The following FLI1 variants were observed in gnomAD, a reference collection of about 807,000 sequenced individuals.
FLI1 encodes Fli-1 proto-oncogene, ETS transcription factor.
A neutral mutation model predicts 53.1 loss-of-function variants in FLI1; 13 were observed. That is an observed-to-expected ratio of 0.24 (90% confidence interval 0.16 to 0.39). The LOEUF is 0.39. Ranked by LOEUF, FLI1 falls within the 10% of genes least tolerant of loss-of-function variation. The pLI is 1.00. For missense variants in FLI1, 424 were observed against 600.5 expected (o/e 0.71, Z 3.07); for synonymous variants, 244 against 236.7 (o/e 1.03, Z -0.28).
chr11:128,802,610 G>T (rs1305611745), intron 5 of FLI1, among the ~76,000 whole-genome samples: 2 of 152,208 alleles, frequency 1.3e-5, no homozygotes, highest in Non-Finnish European at 2.9e-5. Flanking sequence ...CCTATGTGAG[G>T]ACTGTAGCAT....
At chr11:128,775,769 T>C (rs1941710157) in intron 4 of FLI1, among the ~76,000 whole-genome samples, 1 of 152,250 alleles carries the variant, frequency 6.6e-6, no homozygotes, top group Non-Finnish European at 1.5e-5. Flanking sequence ...TGATTCTTTG[T>C]GCTTTATCAT....
At chr11:128,780,600 A>G (rs182067199) in intron 4 of FLI1, among the ~76,000 whole-genome samples, 34 of 152,244 alleles carry the variant, frequency 2.2e-4, no homozygotes, top group African/African-American at 6.0e-4. Context: ...CGTTTCAAAA[A>G]AAATAAATAA....
At chr11:128,772,264 T>C (rs1941591871) in intron 3 of FLI1, among the ~76,000 whole-genome samples, 1 of 152,202 alleles carries the variant, frequency 6.6e-6, no homozygotes, top group South Asian at 2.1e-4. Flanking sequence ...ACAGCTGTGC[T>C]CAAAAGGAGA....
At chr11:128,742,761 T>C (rs541603577) in intron 1 of FLI1, among the ~76,000 whole-genome samples, 1 of 152,340 alleles carries the variant, frequency 6.6e-6, no homozygotes, top group South Asian at 2.1e-4. Context: ...GAAGTTTAGG[T>C]AAAGGTTTTT....
At chr11:128,788,630 TCTC>T (rs1942173022) in intron 5 of FLI1, among the ~76,000 whole-genome samples, 1 of 152,138 alleles carries the variant, frequency 6.6e-6, no homozygotes, top group Non-Finnish European at 1.5e-5. Context: ...AAGCTGAACA[TCTC>T]CTCCAAATCC....
chr11:128,689,073 A>G (rs538747460), upstream of FLI1, among the ~76,000 whole-genome samples: 14 of 152,316 alleles, frequency 9.2e-5, no homozygotes, highest in African/African-American at 3.1e-4. Flanking sequence ...GATAAGTCCT[A>G]TTATAACCCC....
At chr11:128,752,923 C>A (rs1244293238) in intron 1 of FLI1, among the ~76,000 whole-genome samples, 2 of 152,186 alleles carry the variant, frequency 1.3e-5, no homozygotes, top group Admixed American at 6.5e-5. Context: ...TGGTAGCAGG[C>A]CCCAGCTGGA....
chr11:128,811,149 T>C lies in FLI1; in HGVS notation c.*161T>C. ...ATTTGTTCTTTAAAAACATTTTTTT[T>C]AATGTTGGTAACTTTTGCTTCCTCT... On this transcript the variant is annotated 3_prime_UTR_variant, in exon 9 of 9. Transcript: ENST00000527786. The C allele has an allele frequency of 1.5e-6, 1 of 681,772 alleles. No individual in the cohort carries two copies. The allele number at this position is 681,772 out of a possible 1,614,324, so 42.2% of individuals were successfully genotyped here. A position where few individuals can be genotyped will look rare whatever the true frequency, so the allele number is the denominator to read the frequency against.
intron 1 of FLI1, among the ~76,000 whole-genome samples, chr11:128,740,800 CT>C (rs1178058571): frequency 6.6e-6 from 1 of 152,168 alleles, no homozygotes; most frequent in African/African-American, 2.4e-5. Context: ...TCAGAGGCCA[CT>C]TCTTAGAGTT....
At chr11:128,793,366 C>G (rs779679436) in intron 5 of FLI1, among the ~76,000 whole-genome samples, 1 of 151,914 alleles carries the variant, frequency 6.6e-6, no homozygotes, top group Admixed American at 6.6e-5. Flanking sequence ...GCCCCGTGTC[C>G]CTCCATAAAT....
intron 1 of FLI1, among the ~76,000 whole-genome samples, chr11:128,731,938 G>C (rs1194232602): frequency 6.6e-6 from 1 of 152,066 alleles, no homozygotes; most frequent in African/African-American, 2.4e-5. Flanking sequence ...GGGAGGCGGA[G>C]GTTGCAGTGA....
At chr11:128,685,415 G>T (rs1429923557), upstream of FLI1, among the ~76,000 whole-genome samples, 5 of 152,240 alleles carry the variant, frequency 3.3e-5, no homozygotes, top group East Asian at 7.7e-4. Flanking sequence ...GCGATGCAGG[G>T]TCGGGGCGCC....
chr11:128,812,416 A>T lies in FLI1; in HGVS notation c.*1428A>T. The T allele has an allele frequency of 4.4e-6, 1 of 225,580 alleles. No individual in the cohort carries two copies. The highest frequency in any genetic ancestry group is 5.7e-5 in the Admixed American group (1 of 17,564). The allele number at this position is 225,580 out of a possible 1,614,324, so 14.0% of individuals were successfully genotyped here. On this transcript the variant is annotated 3_prime_UTR_variant, in exon 9 of 9. Transcript: ENST00000527786. ...GACTAAATAAATGGTTCCTTCTCTC[A>T]GTGCTGAGGACAGTTTTCTTATTTA...
At chr11:128,717,982 G>T (rs1939088854) in intron 1 of FLI1, among the ~76,000 whole-genome samples, 1 of 152,224 alleles carries the variant, frequency 6.6e-6, no homozygotes, top group Admixed American at 6.5e-5. Context: ...TGTTGCTGGG[G>T]ATGTTGTGTG....
intron 1 of FLI1, among the ~76,000 whole-genome samples, chr11:128,707,501 G>A (rs1404220766): frequency 1.3e-5 from 2 of 152,192 alleles, no homozygotes; most frequent in East Asian, 3.8e-4. Context: ...AAACCAGCAT[G>A]TGGAGACTTC....
chr11:128,731,197 G>C (rs938015716), intron 1 of FLI1, among the ~76,000 whole-genome samples: 1 of 152,242 alleles, frequency 6.6e-6, no homozygotes, highest in Non-Finnish European at 1.5e-5. Flanking sequence ...TAAGCCACAC[G>C]GTGACATGTA....
At chr11:128,686,835 T>C (rs111375459) in intron 1 of FLI1, 4,167 of 228,044 alleles carry the variant, frequency 0.018, 203 homozygotes, top group African/African-American at 0.085. Context: ...CTCGTGGATC[T>C]CAAGCTAGGG....
chr11:128,740,921 A>G (rs1020199301), intron 1 of FLI1, among the ~76,000 whole-genome samples: 1 of 152,136 alleles, frequency 6.6e-6, no homozygotes, highest in Non-Finnish European at 1.5e-5. Flanking sequence ...GGAAGGAGAG[A>G]AGGTGCAGCC....
chr11:128,784,472 A>G (rs1942027188), intron 5 of FLI1, among the ~76,000 whole-genome samples: 1 of 152,192 alleles, frequency 6.6e-6, no homozygotes, highest in Non-Finnish European at 1.5e-5. Flanking sequence ...CCAGGACCTC[A>G]TTCAGGTGGT....
Sources: gnomAD v4.1 joint callset for allele counts (sites outside exome capture counted in the v4.1 genomes callset) on GRCh38, gnomAD v4.1.1 for gene constraint, MANE v1.5 for transcripts, NCBI Gene and HGNC (gene_info 2026-07-23, HGNC 2026-07-21) for gene names.